Variants in FAAH2 observed in about 807,000 individuals in gnomAD.
FAAH2 encodes the protein fatty acid amide hydrolase 2, also known as fatty-acid amide hydrolase 2.
In FAAH2, 60 loss-of-function variants were observed where a neutral mutation model predicts 36.9. The ratio of observed to expected loss-of-function variants is 1.63; its 90% confidence interval spans 1.32 to 2.02. FAAH2 has a LOEUF of 2.02. FAAH2 is among the 30% of genes most tolerant of loss of function. The pLI, the probability that FAAH2 is intolerant of heterozygous loss-of-function variation, is 0.00. For missense variants in FAAH2, 689 were observed against 397.5 expected, an observed-to-expected ratio of 1.73 and a Z score of -6.23; for synonymous variants, 214 against 143.8, an observed-to-expected ratio of 1.49 and a Z score of -3.49.
chrX:57,237,229 A>G, the FAAH2 span, among the ~76,000 whole-genome samples: 2 of 111,592 alleles, frequency 1.8e-5, no homozygotes, highest in South Asian at 3.7e-4. Context: ...TTATTTTTAT[A>G]CAAGTACCAT....
At chrX:57,313,460 A>AAAATAAAT (rs753481309) in intron 3 of FAAH2, among the ~76,000 whole-genome samples, 2 of 109,766 alleles carry the variant, frequency 1.8e-5, no homozygotes, top group Non-Finnish European at 3.8e-5. Context: ...GGTCAATACA[A>AAAATAAAT]AAATAAATAA....
intron 5 of FAAH2, among the ~76,000 whole-genome samples, chrX:57,372,520 T>C (rs1792432920): frequency 9.0e-6 from 1 of 111,138 alleles, no homozygotes; most frequent in Non-Finnish European, 1.9e-5. Flanking sequence ...GCTTGTTTTT[T>C]CCAAGTTATC....
At chrX:57,206,556 A>G in the FAAH2 span, among the ~76,000 whole-genome samples, 1 of 112,607 alleles carries the variant, frequency 8.9e-6, no homozygotes, top group Non-Finnish European at 1.9e-5. Flanking sequence ...TGCTTGCCCT[A>G]TATAAGTCTG....
chrX:57,140,701 T>C, the FAAH2 span, among the ~76,000 whole-genome samples: 3 of 111,053 alleles, frequency 2.7e-5, no homozygotes, highest in Non-Finnish European at 3.8e-5. Flanking sequence ...AGCTGAAGGC[T>C]ATTATCCTAC....
intron 10 of FAAH2, among the ~76,000 whole-genome samples, chrX:57,452,550 G>A (rs1400474626): frequency 8.9e-6 from 1 of 112,622 alleles, no homozygotes; most frequent in South Asian, 3.7e-4. Context: ...GCTCTTCAAA[G>A]GCTGTGGTCT....
chrX:57,221,735 T>A, the FAAH2 span, among the ~76,000 whole-genome samples: 49 of 111,223 alleles, frequency 4.4e-4, no homozygotes, highest in African/African-American at 1.5e-3. Context: ...GATGCTTTTT[T>A]TTCATAATTC....
At chrX:57,331,479 C>T in intron 3 of FAAH2, 119 bp from the exon 4 acceptor site, 1 of 559,791 alleles carries the variant, frequency 1.8e-6, no homozygotes, top group Non-Finnish European at 2.9e-6. Flanking sequence ...TTCCAATGCC[C>T]CAACCCTTTG....
chrX:57,460,568 G>A (rs2056940684), intron 10 of FAAH2, among the ~76,000 whole-genome samples: 1 of 111,846 alleles, frequency 8.9e-6, no homozygotes, highest in African/African-American at 3.2e-5. Flanking sequence ...ATAAGCAAAT[G>A]AGAAATAAAA....
the FAAH2 span, among the ~76,000 whole-genome samples, chrX:57,148,911 C>G: frequency 9.0e-6 from 1 of 111,314 alleles, no homozygotes; most frequent in Non-Finnish European, 1.9e-5. Flanking sequence ...ATAGATAGCT[C>G]TTATTATTTT....
chrX:57,244,686 T>A, the FAAH2 span, among the ~76,000 whole-genome samples: 2 of 111,405 alleles, frequency 1.8e-5, no homozygotes, highest in African/African-American at 6.5e-5. Flanking sequence ...TTCTGAGAGA[T>A]TTTCTCACCA....
the FAAH2 span, among the ~76,000 whole-genome samples, chrX:57,163,120 C>T: frequency 3.6e-5 from 4 of 111,735 alleles, no homozygotes; most frequent in African/African-American, 1.3e-4. Context: ...ATACCCTGCC[C>T]TGTGAGGTGT....
the FAAH2 span, among the ~76,000 whole-genome samples, chrX:57,188,070 G>C: frequency 2.7e-5 from 3 of 111,544 alleles, no homozygotes; most frequent in African/African-American, 6.5e-5. Flanking sequence ...GATGGTGCTG[G>C]CCTCATAGAA....
At chrX:57,452,114 C>T (rs751944369) in intron 10 of FAAH2, 69 of 741,060 alleles carry the variant, frequency 9.3e-5, no homozygotes, top group Non-Finnish European at 1.1e-4. Flanking sequence ...TGGCTTTCTC[C>T]CCTCTCCCCA....
chrX:57,210,827 A>G, the FAAH2 span, among the ~76,000 whole-genome samples: 3 of 112,932 alleles, frequency 2.7e-5, no homozygotes, highest in Admixed American at 2.8e-4. Flanking sequence ...TTTTCATTTG[A>G]TATAATTACC....
At position 57,395,076 on chromosome X, in the gene FAAH2, T is replaced by A. The variant is rs989193381; in HGVS notation, c.996+14047T>A. 9 of 547,797 alleles carry A rather than the reference T, an allele frequency of 1.6e-5. No individual in the cohort carries two copies. The African/African-American group carries it at 1.8e-4, about 11-fold the overall frequency. 45.1% of individuals were successfully genotyped at this position (547,797 alleles called of 1,213,427 possible). A position where few individuals can be genotyped will look rare whatever the true frequency, so the allele number is the denominator to read the frequency against. ...TCCTTTTCAGGTGCAATAGCATTGA[T>A]CACTCCTTCAGTGTATTGTCTGAGT... On this transcript the variant is annotated intron_variant, in intron 7 of 10. Transcript: ENST00000374900.
the FAAH2 span, among the ~76,000 whole-genome samples, chrX:57,255,906 G>A: frequency 1.0e-3 from 116 of 111,873 alleles, 1 homozygote; most frequent in African/African-American, 2.9e-3. Flanking sequence ...ATTCAACATA[G>A]TATTGGAATT....
At chrX:57,149,161 G>C in the FAAH2 span, among the ~76,000 whole-genome samples, 2 of 111,749 alleles carry the variant, frequency 1.8e-5, no homozygotes, top group African/African-American at 3.2e-5. Flanking sequence ...CGTTTTGCCA[G>C]TATTTTATTG....
At chrX:57,133,993 C>T in the FAAH2 span, among the ~76,000 whole-genome samples, 7 of 111,167 alleles carry the variant, frequency 6.3e-5, no homozygotes, top group East Asian at 2.8e-4. Context: ...GGCAGCAGGG[C>T]GTCACCAGCA....
At chrX:57,432,134 C>A in intron 8 of FAAH2, 97 bp downstream of exon 8, 2 of 768,292 alleles carry the variant, frequency 2.6e-6, no homozygotes, top group Non-Finnish European at 3.6e-6. Flanking sequence ...AGAAAAGAAA[C>A]TCATGAAAAA....
Sources: gnomAD v4.1 joint callset for allele counts (sites outside exome capture counted in the v4.1 genomes callset) on GRCh38, gnomAD v4.1.1 for gene constraint, MANE v1.5 for transcripts, NCBI Gene and HGNC (gene_info 2026-07-23, HGNC 2026-07-21) for gene names.